CSMD3: variants seen among roughly 807,000 people sequenced by gnomAD.
CSMD3 encodes the protein CUB and Sushi multiple domains 3, also known as CUB and sushi domain-containing protein 3.
CSMD3 carries 177 observed loss-of-function variants against 435.2 expected under a neutral mutation model. The ratio of observed to expected loss-of-function variants is 0.41; its 90% confidence interval spans 0.36 to 0.46. CSMD3 has a LOEUF of 0.46. Among genes scored for constraint, CSMD3 ranks in the 20% least tolerant of loss-of-function variants. CSMD3 has a pLI of 0.34. For synonymous variants in CSMD3, 1,656 were observed against 1,520.5 expected (o/e 1.09, Z -2.07); for missense variants, 4,265 against 4,504.6 (o/e 0.95, Z 1.52).
intron 3 of CSMD3, among the ~76,000 whole-genome samples, chr8:113,270,602 T>G (rs2093515367): frequency 6.6e-6 from 1 of 151,976 alleles, no homozygotes; most frequent in Non-Finnish European, 1.5e-5. Flanking sequence ...TAGACTGGAT[T>G]AAGAAAATGT....
chr8:112,382,291 C>CA (rs11384093), intron 37 of CSMD3, among the ~76,000 whole-genome samples: 40,080 of 116,812 alleles, frequency 0.34, 7,062 homozygotes, highest in Middle Eastern at 0.55. Context: ...CTCTAAAATG[C>CA]AAAAAAAAAA....
chr8:112,243,485 C>G (rs1334036725), intron 65 of CSMD3, among the ~76,000 whole-genome samples: 1 of 152,100 alleles, frequency 6.6e-6, no homozygotes, highest in Admixed American at 6.6e-5. Context: ...CCTGACCGAG[C>G]AGCAATCGGT....
At chr8:112,368,155 A>G (rs1424784275) in intron 38 of CSMD3, among the ~76,000 whole-genome samples, 1 of 152,124 alleles carries the variant, frequency 6.6e-6, no homozygotes, top group Non-Finnish European at 1.5e-5. Flanking sequence ...AGCCATTCTC[A>G]TATCTATCTT....
intron 6 of CSMD3, among the ~76,000 whole-genome samples, chr8:113,003,796 C>A (rs1028322797): frequency 2.0e-5 from 3 of 151,992 alleles, no homozygotes; most frequent in Non-Finnish European, 4.4e-5. Flanking sequence ...TTGCTACTAT[C>A]TTCAACTTAA....
chr8:112,434,688 T>C (rs1310124006), intron 32 of CSMD3, among the ~76,000 whole-genome samples: 3 of 152,120 alleles, frequency 2.0e-5, no homozygotes, highest in African/African-American at 7.2e-5. Flanking sequence ...CACAGGCTCC[T>C]TCTAAGACCC....
chr8:112,685,431 T>C lies in CSMD3; in HGVS notation c.2457A>G (p.Gly819=), dbSNP rs570821840. 1.9e-6 allele frequency: 3 copies of C among 1,613,946 alleles called. No individual in the cohort carries two copies. Among genetic ancestry groups the C allele is most frequent in the East Asian group, 4.5e-5 (2 of 44,834 alleles). The change falls in exon 15 of 71, where the codon GGA becomes GGG. Residue 819 remains glycine (G), a synonymous_variant. Transcript: ENST00000297405. ...LEFQADHSMS[G]RGFNITYNTF... ...TGTTGTAAGTGATGTTAAAGCCACG[T>C]CCTGACATTGAGTGGTCAGCCTGAA... is the stretch of plus-strand genomic sequence containing the variant.
intron 23 of CSMD3, among the ~76,000 whole-genome samples, chr8:112,575,033 T>C (rs1258625896): frequency 6.6e-6 from 1 of 151,958 alleles, no homozygotes; most frequent in Non-Finnish European, 1.5e-5. Flanking sequence ...CTGAATAATA[T>C]ATTTTTTCTT....
intron 22 of CSMD3, among the ~76,000 whole-genome samples, chr8:112,611,290 G>A (rs1416431605): frequency 6.6e-6 from 1 of 152,112 alleles, no homozygotes; most frequent in African/African-American, 2.4e-5. Context: ...TCTGGTTGAT[G>A]AATATCTTCC....
At chr8:112,743,810 C>T (rs2077368773) in intron 13 of CSMD3, among the ~76,000 whole-genome samples, 1 of 151,864 alleles carries the variant, frequency 6.6e-6, no homozygotes, top group South Asian at 2.1e-4. Flanking sequence ...TTCTGATAAA[C>T]ACCTGGTTCA....
intron 21 of CSMD3, among the ~76,000 whole-genome samples, chr8:112,637,778 A>G (rs1372111361): frequency 6.6e-6 from 1 of 152,070 alleles, no homozygotes; most frequent in Non-Finnish European, 1.5e-5. Context: ...TTTATGCTTT[A>G]AAAAAATTAC....
intron 38 of CSMD3, among the ~76,000 whole-genome samples, chr8:112,371,073 G>T (rs1828347545): frequency 6.6e-6 from 1 of 152,118 alleles, no homozygotes; most frequent in Non-Finnish European, 1.5e-5. Context: ...ACATGCAGCT[G>T]CCCAGATTTC....
intron 22 of CSMD3, among the ~76,000 whole-genome samples, chr8:112,613,767 C>G (rs1833450196): frequency 6.6e-6 from 1 of 152,128 alleles, no homozygotes; most frequent in African/African-American, 2.4e-5. Context: ...TAAATAATAA[C>G]TGCCTTTTTC....
intron 1 of CSMD3, among the ~76,000 whole-genome samples, chr8:113,392,695 T>C (rs79690296): frequency 0.018 from 2,795 of 152,154 alleles, 100 homozygotes; most frequent in African/African-American, 0.062. Flanking sequence ...TTCAATCTTA[T>C]CACTGTAATG....
intron 17 of CSMD3, among the ~76,000 whole-genome samples, chr8:112,663,169 A>C (rs1233757445): frequency 6.6e-6 from 1 of 152,140 alleles, no homozygotes; most frequent in Non-Finnish European, 1.5e-5. Context: ...TCATGCTGCT[A>C]TAAAGACACA....
At chr8:113,334,327 C>T (rs566009711) in intron 1 of CSMD3, among the ~76,000 whole-genome samples, 1 of 111,958 alleles carries the variant, frequency 8.9e-6, no homozygotes, top group African/African-American at 3.3e-5. Context: ...TTACATATTT[C>T]CTTGTATTGG....
intron 6 of CSMD3, among the ~76,000 whole-genome samples, chr8:112,995,065 T>C (rs1250809238): frequency 6.6e-6 from 1 of 151,578 alleles, no homozygotes; most frequent in East Asian, 1.9e-4. Flanking sequence ...CCCAAGGCAC[T>C]ATTCTCAGTC....
At position 112,439,291 on chromosome 8, in the gene CSMD3, C is replaced by T. The variant is rs181271312; in HGVS notation, c.5396-30259G>A. On this transcript the variant is annotated intron_variant, in intron 32 of 70. Transcript: ENST00000297405. ...AAGTAGCTGGGACTACAGGTGCCCA[C>T]CACCATGCCTGGCTAATTTTTTGTA... Among the ~76,000 whole-genome samples, 191 of 152,192 alleles carry T rather than the reference C, an allele frequency of 1.3e-3. 1 individual carries two copies. Among genetic ancestry groups the T allele is most frequent in the African/African-American group, 4.6e-3 (189 of 41,514 alleles).
At position 112,311,171 on chromosome 8, in the gene CSMD3, T is replaced by C. The variant is rs1563773010; in HGVS notation, c.7697-5A>G. On this transcript the variant is annotated splice_polypyrimidine_tract_variant and splice_region_variant and intron_variant, in intron 49 of 70. Transcript: ENST00000297405. ...CTGGTGTACTACAGTAGAAAGCTTT[T>C]CAAAAGAAAAAAAAAATGCTGTTTA... 2 of 1,610,910 alleles carry C rather than the reference T, an allele frequency of 1.2e-6. No individual in the cohort carries two copies. Among genetic ancestry groups the C allele is most frequent in the South Asian group, 1.1e-5 (1 of 91,012 alleles).
intron 7 of CSMD3, among the ~76,000 whole-genome samples, chr8:112,963,623 T>C (rs2084313504): frequency 6.6e-6 from 1 of 151,904 alleles, no homozygotes; most frequent in South Asian, 2.1e-4. Flanking sequence ...CAATTATGTC[T>C]GTAAGAAACA....
Sources: gnomAD v4.1 joint callset for allele counts (sites outside exome capture counted in the v4.1 genomes callset) on GRCh38, gnomAD v4.1.1 for gene constraint, MANE v1.5 for transcripts, NCBI Gene and HGNC (gene_info 2026-07-23, HGNC 2026-07-21) for gene names.